GATAD2B: variants seen among roughly 807,000 people sequenced by gnomAD.
GATAD2B encodes transcriptional repressor p66-beta.
A neutral mutation model predicts 64.3 loss-of-function variants in GATAD2B; 8 were observed. That is an observed-to-expected ratio of 0.12 (90% confidence interval 0.07 to 0.22). The LOEUF (loss-of-function observed/expected upper bound fraction) is 0.22. Ranked by LOEUF, GATAD2B falls within the 10% of genes least tolerant of loss-of-function variation. GATAD2B has a pLI of 1.00. For missense variants in GATAD2B, 453 were observed against 752.0 expected, an observed-to-expected ratio of 0.60 and a Z score of 4.65; for synonymous variants, 281 against 271.3, an observed-to-expected ratio of 1.04 and a Z score of -0.35.
At chr1:153,849,970 T>C (rs750633421) in intron 1 of GATAD2B, among the ~76,000 whole-genome samples, 14 of 152,294 alleles carry the variant, frequency 9.2e-5, no homozygotes, top group East Asian at 7.7e-4. Context: ...CTATGGTCTA[T>C]AGTCAATGAA....
intron 1 of GATAD2B, among the ~76,000 whole-genome samples, chr1:153,904,492 C>T (rs1186722996): frequency 6.6e-6 from 1 of 152,000 alleles, no homozygotes; most frequent in African/African-American, 2.4e-5. Context: ...CCAACCATAA[C>T]AAAATGATTC....
At chr1:153,834,298 C>G (rs1675191787) in intron 1 of GATAD2B, among the ~76,000 whole-genome samples, 1 of 151,930 alleles carries the variant, frequency 6.6e-6, no homozygotes, top group Admixed American at 6.6e-5. Context: ...CCACCACGCC[C>G]AGCCAAGACC....
In GATAD2B at chr1:153,895,575, G is replaced by A. The variant is rs188786683; in HGVS notation, c.-2+27158C>T. Among the ~76,000 whole-genome samples, 1,167 of 151,066 alleles carry A rather than the reference G, an allele frequency of 7.7e-3. 4 individuals carry two copies. The highest frequency in any genetic ancestry group is 0.011 in the Non-Finnish European group (777 of 67,860). ...AGCCTGGGCAACAGAGTGAGACCCC[G>A]TCTCCCACAAAAATAAAAATAAAAA... On this transcript the variant is annotated intron_variant, in intron 1 of 10. Transcript: ENST00000368655.
In GATAD2B at chr1:153,809,646, G is replaced by C. The variant is rs1405264191; in HGVS notation, c.*531C>G. ...TAACACTCCTAGTCATGTCCTACTT[G>C]GCAGCTGGGACCCCTACTGCAATCT... On this transcript the variant is annotated 3_prime_UTR_variant, in exon 11 of 11. Coordinates refer to ENST00000368655, the MANE Select transcript of GATAD2B (RefSeq NM_020699.4). 1 of 151,230 alleles carries C rather than the reference G, an allele frequency of 6.6e-6. No individual in the cohort carries two copies. Among genetic ancestry groups the C allele is most frequent in the East Asian group, 1.9e-4 (1 of 5,142 alleles). The allele number at this position is 151,230 out of a possible 1,614,324, so 9.4% of individuals were successfully genotyped here.
chr1:153,815,125 A>AAAG (rs1674420855), intron 7 of GATAD2B, among the ~76,000 whole-genome samples: 1 of 147,342 alleles, frequency 6.8e-6, no homozygotes, highest in African/African-American at 2.5e-5. Context: ...AACAAAGAAA[A>AAAG]AAACTGGCAT....
chr1:153,839,108 CAAAAAAAAAAAA>C (rs35262137), intron 1 of GATAD2B, among the ~76,000 whole-genome samples: 11 of 78,570 alleles, frequency 1.4e-4, no homozygotes, highest in Non-Finnish European at 2.2e-4. Flanking sequence ...GACCCTGTCT[CAAAAAAAAAAAA>C]AAAAAAAAAA....
At chr1:153,876,814 C>G (rs966343922) in intron 1 of GATAD2B, among the ~76,000 whole-genome samples, 1 of 151,140 alleles carries the variant, frequency 6.6e-6, no homozygotes, top group African/African-American at 2.4e-5. Flanking sequence ...ACCAGCCTGG[C>G]CAACATGGTG....
intron 1 of GATAD2B, among the ~76,000 whole-genome samples, chr1:153,832,728 G>A (rs1232502022): frequency 1.3e-5 from 2 of 152,038 alleles, no homozygotes; most frequent in African/African-American, 2.4e-5. Flanking sequence ...CTGGGGTTTG[G>A]GCTTCTATTG....
At position 153,830,721 on chromosome 1, in the gene GATAD2B, C is replaced by T. The variant is rs554017053; in HGVS notation, c.-1-2373G>A. Among the ~76,000 whole-genome samples, 284 of 149,000 alleles carry T rather than the reference C, an allele frequency of 1.9e-3. 2 individuals are homozygous for T. Among genetic ancestry groups the T allele is most frequent in the African/African-American group, 6.5e-3 (264 of 40,476 alleles). ...CGATCTCCTGACCTCGTGATCCGCC[C>T]GCCTCGGCCTCCCAAAGTGCTGGGA... is the stretch of plus-strand genomic sequence containing the variant. On this transcript the variant is annotated intron_variant, in intron 1 of 10. Transcript: ENST00000368655.
intron 1 of GATAD2B, among the ~76,000 whole-genome samples, chr1:153,847,438 G>C (rs557065308): frequency 2.6e-5 from 4 of 152,076 alleles, no homozygotes; most frequent in Non-Finnish European, 5.9e-5. Flanking sequence ...AGCCTGAAGC[G>C]CACTGGTAAA....
rs763266883 is a variant in GATAD2B at position 153,812,085 on chromosome 1, C to A, written c.1467G>T (p.Thr489=). The change falls in exon 9 of 11, where the codon ACG becomes ACT. Residue 489 remains threonine, a synonymous_variant. Coordinates refer to ENST00000368655, the MANE Select transcript of GATAD2B (RefSeq NM_020699.4). ...LQQQAALSPT[T]APAVSSVSKQ... ...TACTGACACTGGACACAGCTGGAGC[C>A]GTAGTGGGGGAGAGGGCTGCCTGCT... The A allele has an allele frequency of 1.9e-6, 3 of 1,613,300 alleles. No homozygotes were observed. The highest frequency in any genetic ancestry group is 1.7e-4 in the Middle Eastern group (1 of 5,910).
At chr1:153,919,616 C>A (rs1678368539) in intron 1 of GATAD2B, among the ~76,000 whole-genome samples, 1 of 152,154 alleles carries the variant, frequency 6.6e-6, no homozygotes. Flanking sequence ...ATAGAAGATA[C>A]ACCACAAAAT....
In GATAD2B at chr1:153,806,787, GA is replaced by G. The variant is rs1392061003; in HGVS notation, c.*3389del. ...GGGGTGGGGGTAGGGGGTGTGGAGA[GA>G]AGGGTTATGCCTTCTGGAGGAGTGG... is the stretch of plus-strand genomic sequence containing the variant. On this transcript the variant is annotated 3_prime_UTR_variant, in exon 11 of 11. Coordinates refer to ENST00000368655, the MANE Select transcript of GATAD2B (RefSeq NM_020699.4). 6.6e-6 allele frequency: 1 copy of G among 151,998 alleles called. No homozygotes were observed. Among genetic ancestry groups the G allele is most frequent in the Non-Finnish European group, 1.5e-5 (1 of 67,942 alleles). The allele number at this position is 151,998 out of a possible 1,614,324, so 9.4% of individuals were successfully genotyped here.
At chr1:153,914,960 A>C (rs946954111) in intron 1 of GATAD2B, among the ~76,000 whole-genome samples, 6 of 152,188 alleles carry the variant, frequency 3.9e-5, no homozygotes, top group African/African-American at 1.4e-4. Context: ...GCAGTGGCTC[A>C]CGCCTGTAAT....
At chr1:153,865,976 G>A (rs1054934246) in intron 1 of GATAD2B, among the ~76,000 whole-genome samples, 2 of 152,062 alleles carry the variant, frequency 1.3e-5, no homozygotes, top group African/African-American at 2.4e-5. Context: ...AGGCTGAGGC[G>A]GACGGATCAT....
chr1:153,865,069 CA>C (rs1557811917), intron 1 of GATAD2B, among the ~76,000 whole-genome samples: 1 of 150,792 alleles, frequency 6.6e-6, no homozygotes, highest in Non-Finnish European at 1.5e-5. Flanking sequence ...CACTCCATTT[CA>C]AAAAAAATAG....
intron 1 of GATAD2B, among the ~76,000 whole-genome samples, chr1:153,901,006 G>A (rs1263782217): frequency 2.6e-5 from 4 of 152,036 alleles, no homozygotes; most frequent in African/African-American, 9.7e-5. Context: ...TTGAGGTCAC[G>A]AGTTCGAGAC....
intron 1 of GATAD2B, among the ~76,000 whole-genome samples, chr1:153,879,650 C>T (rs1676948019): frequency 6.6e-6 from 1 of 151,242 alleles, no homozygotes; most frequent in Admixed American, 6.6e-5. Context: ...GTAGTCCCAA[C>T]TACTCAGGAG....
At chr1:153,870,931 A>G (rs1477811881) in intron 1 of GATAD2B, among the ~76,000 whole-genome samples, 1 of 152,094 alleles carries the variant, frequency 6.6e-6, no homozygotes, top group African/African-American at 2.4e-5. Context: ...GTTTTTCCCC[A>G]AGACGGAGTC....
Sources: allele counts gnomAD v4.1 joint callset (sites outside exome capture counted in the v4.1 genomes callset), GRCh38; gene constraint gnomAD v4.1.1; transcripts MANE v1.5; gene names NCBI Gene and HGNC (gene_info 2026-07-23, HGNC 2026-07-21).